Variants in TUBB observed in about 807,000 individuals in gnomAD.
TUBB encodes tubulin beta class I, also known as tubulin beta chain.
A neutral mutation model predicts 35.1 loss-of-function variants in TUBB; 2 were observed. The observed-to-expected ratio is 0.06, with a 90% CI of 0.02 to 0.18. The LOEUF (loss-of-function observed/expected upper bound fraction) is 0.18, where lower values mean the gene tolerates loss of function less well. Ranked by LOEUF, TUBB falls within the 10% of genes least tolerant of loss-of-function variation. The probability of loss-of-function intolerance (pLI) is 1.00; values close to 1 mark genes in which losing one functional copy is unlikely to be tolerated. For missense variants in TUBB, 50 were observed against 599.4 expected (o/e 0.08, Z 9.57); for synonymous variants, 205 against 223.8 (o/e 0.92, Z 0.75).
In TUBB at chr6:30,720,390, G is replaced by C; in HGVS notation, c.-117G>C. On this transcript the variant is annotated 5_prime_UTR_variant, in exon 1 of 4. Coordinates refer to ENST00000327892, the MANE Select transcript of TUBB (RefSeq NM_178014.4). ...CCTGCCGTCGCGTTTGCACCTCGCT[G>C]CTCCAGCCTCTGGGGCGCATTCCAA... 1.0e-6 allele frequency: 1 copy of C among 990,024 alleles called. No homozygotes were observed. The highest frequency in any genetic ancestry group is 1.6e-6 in the Non-Finnish European group (1 of 625,798). The allele number at this position is 990,024 out of a possible 1,614,324, so 61.3% of individuals were successfully genotyped here.
At chr6:30,721,647 G>C in intron 1 of TUBB, 2 of 985,464 alleles carry the variant, frequency 2.0e-6, no homozygotes, top group Non-Finnish European at 2.4e-6. Context: ...CAGACCCCCA[G>C]CCTTTTGTGC....
rs1037884532 is a variant in TUBB, at chr6:30,721,607, G to C, written c.58-930G>C. On this transcript the variant is annotated intron_variant, in intron 1 of 3. Coordinates refer to ENST00000327892, the MANE Select transcript of TUBB (RefSeq NM_178014.4). Reference sequence around the variant, plus strand: ...CCGCAGTCACGTGGAGGGCGGGGGGGGTGGTCGACTGCGGCGGCAGCTCTT... The same window carrying C: ...CCGCAGTCACGTGGAGGGCGGGGGGCGTGGTCGACTGCGGCGGCAGCTCTT... 10 of 985,302 alleles carry C rather than the reference G, an allele frequency of 1.0e-5. No homozygotes were observed. The African/African-American group carries it at 1.4e-4, about 14-fold the overall frequency. The allele number at this position is 985,302 out of a possible 1,614,324, so 61.0% of individuals were successfully genotyped here.
At chr6:30,721,519 A>C in intron 1 of TUBB, 1 of 982,088 alleles carries the variant, frequency 1.0e-6, no homozygotes, top group South Asian at 4.7e-5. Context: ...CGCGCGCGGA[A>C]TTTTTGTCCC....
intron 1 of TUBB, chr6:30,721,799 C>G: frequency 4.1e-6 from 4 of 984,932 alleles, no homozygotes; most frequent in Non-Finnish European, 4.8e-6. Flanking sequence ...CTCGGGGGAG[C>G]GAGTGTCTAG....
intron 1 of TUBB, chr6:30,721,449 G>A: frequency 1.6e-6 from 1 of 645,136 alleles, no homozygotes; most frequent in South Asian, 6.8e-5. Flanking sequence ...CGCCGTGGGC[G>A]CGCGGGGACA....
intron 2 of TUBB, 121 bp downstream of exon 2, chr6:30,722,766 G>C (rs25525): frequency 8.8e-7 from 1 of 1,136,950 alleles, no homozygotes; most frequent in African/African-American, 1.5e-5. Flanking sequence ...TGTCCCTTTC[G>C]TGAACCACCG....
chr6:30,721,486 G>A (rs1035467589), intron 1 of TUBB: 1 of 940,186 alleles, frequency 1.1e-6, no homozygotes, highest in Non-Finnish European at 1.3e-6. Context: ...CGGCAGGGGC[G>A]CGCTACCTTG....
intron 1 of TUBB, among the ~76,000 whole-genome samples, chr6:30,721,083 C>G (rs981066369): frequency 6.6e-6 from 1 of 152,222 alleles, no homozygotes; most frequent in African/African-American, 2.4e-5. Context: ...GGGACCCCAA[C>G]GCGCCCGCGA....
intron 3 of TUBB, 84 bp from the exon 4 acceptor site, chr6:30,723,256 G>A: frequency 1.7e-6 from 2 of 1,175,186 alleles, no homozygotes; most frequent in Admixed American, 2.7e-5. Context: ...ACATCCGAGG[G>A]AATTATTTGA....
chr6:30,722,072 G>C (rs919136143), intron 1 of TUBB: 1 of 195,162 alleles, frequency 5.1e-6, no homozygotes, highest in African/African-American at 2.4e-5. Flanking sequence ...AGGATCGGTT[G>C]AGCCTGGGAG....
rs755066806 is a variant in TUBB at position 30,723,596 on chromosome 6, C to T, written c.534C>T (p.Thr178=). 3.2e-5 allele frequency: 52 copies of T among 1,614,112 alleles called. No individual in the cohort carries two copies. Among genetic ancestry groups the T allele is most frequent in the Admixed American group, 2.5e-4 (15 of 60,010 alleles). ...SVVPSPKVSD[T]VVEPYNATLS... is the part of the protein sequence containing the mutation. ...TGCCTTCACCCAAAGTGTCTGACAC[C>T]GTGGTCGAGCCCTACAATGCCACCC... Residue 178 remains threonine (T), a synonymous_variant, in exon 4 of 4, where the codon ACC becomes ACT. Coordinates refer to ENST00000327892, the MANE Select transcript of TUBB (RefSeq NM_178014.4).
At chr6:30,722,871 C>G in intron 2 of TUBB, 47 bp from the exon 3 acceptor site, 1 of 1,504,828 alleles carries the variant, frequency 6.6e-7, no homozygotes, top group South Asian at 1.1e-5. Flanking sequence ...TATCTATAAA[C>G]CTTCCCTTCT....
At chr6:30,721,535 C>T in intron 1 of TUBB, 3 of 985,108 alleles carry the variant, frequency 3.0e-6, no homozygotes, top group South Asian at 4.7e-5. Flanking sequence ...GTCCCTGGCC[C>T]CGCCCACGCG....
intron 1 of TUBB, 130 bp from the exon 2 acceptor site, chr6:30,722,407 C>T: frequency 1.5e-6 from 1 of 665,040 alleles, no homozygotes; most frequent in Non-Finnish European, 2.7e-6. Flanking sequence ...AGCGCCACTG[C>T]ACTCCAGCCT....
intron 3 of TUBB, 93 bp downstream of exon 3, chr6:30,723,121 G>A: frequency 9.0e-7 from 1 of 1,109,046 alleles, no homozygotes; most frequent in Non-Finnish European, 1.3e-6. Flanking sequence ...GATGATTGTT[G>A]TATTGGAGTG....
chr6:30,722,340 G>A, intron 1 of TUBB, 197 bp from the exon 2 acceptor site: 1 of 567,862 alleles, frequency 1.8e-6, no homozygotes, highest in Non-Finnish European at 3.2e-6. Flanking sequence ...CTACTCCGGG[G>A]GCTGAGGCAG....
intron 1 of TUBB, 34 bp from the exon 2 acceptor site, chr6:30,722,503 G>A: frequency 6.8e-7 from 1 of 1,460,774 alleles, no homozygotes; most frequent in South Asian, 1.1e-5. Context: ...GCTGGGACTT[G>A]ACCTGTTGTG....
chr6:30,724,371 G>A lies in TUBB; in HGVS notation c.1309G>A (p.Gly437Ser), dbSNP rs760014512. Residue 437 changes from glycine to serine, a missense_variant, in exon 4 of 4, where the codon GGT (glycine) becomes AGT (serine). By Grantham distance (56) the Gly-to-Ser change is moderately conservative. Around this residue, in one of 2 missense-constraint regions of TUBB, gnomAD observed 12 missense variants for 20.5 expected, o/e 0.59. Coordinates refer to ENST00000327892, the MANE Select transcript of TUBB (RefSeq NM_178014.4). The surrounding 1 kb of genome is among the most constrained non-coding windows in gnomAD (Gnocchi z 4.4). ...DATAEEEEDF[G>S]EEAEEEA ...CACCGCAGAAGAGGAGGAGGATTTCGGTGAGGAGGCCGAAGAGGAGGCCTA... is the reference window on the plus strand; with the variant it reads ...CACCGCAGAAGAGGAGGAGGATTTCAGTGAGGAGGCCGAAGAGGAGGCCTA... 119 of 1,612,032 alleles carry A rather than the reference G, an allele frequency of 7.4e-5. No individual in the cohort carries two copies. Among genetic ancestry groups the A allele is most frequent in the Non-Finnish European group, 9.6e-5 (113 of 1,179,684 alleles).
rs761579092 is a variant in TUBB, at chr6:30,723,491, A to G, written c.429A>G (p.Thr143=). ...TGACCCACTCACTGGGCGGGGGCAC[A>G]GGCTCTGGAATGGGCACTCTCCTTA... ...FQLTHSLGGG[T]GSGMGTLLIS... is the part of the protein sequence containing the mutation. The change falls in exon 4 of 4, where the codon ACA becomes ACG. Residue 143 remains threonine (T), a synonymous_variant. Coordinates refer to ENST00000327892, the MANE Select transcript of TUBB (RefSeq NM_178014.4). 2.8e-5 allele frequency: 46 copies of G among 1,614,244 alleles called. No homozygotes were observed. In the South Asian group the frequency reaches 5.1e-4, roughly 18 times the overall value.
Sources: allele counts gnomAD v4.1 joint callset (sites outside exome capture counted in the v4.1 genomes callset), GRCh38; gene constraint gnomAD v4.1.1; regional missense constraint gnomAD v4.1.1; non-coding constraint Gnocchi (gnomAD v3.1); transcripts MANE v1.5; gene names NCBI Gene and HGNC (gene_info 2026-07-23, HGNC 2026-07-21).